The following GRK3 variants were observed in gnomAD, a reference collection of about 807,000 sequenced individuals.
GRK3 encodes the protein G protein-coupled receptor kinase 3.
A neutral mutation model predicts 95.7 loss-of-function variants in GRK3; 54 were observed. The observed-to-expected ratio is 0.56, with a 90% CI of 0.45 to 0.71. The LOEUF (loss-of-function observed/expected upper bound fraction) is 0.71, where lower values mean the gene tolerates loss of function less well. GRK3 is among the 30% of genes least tolerant of loss of function. The pLI, the probability that GRK3 is intolerant of heterozygous loss-of-function variation, is 0.00. For missense variants in GRK3, 649 were observed against 851.2 expected (o/e 0.76, Z 2.96); for synonymous variants, 281 against 290.8 (o/e 0.97, Z 0.34).
intron 9 of GRK3, among the ~76,000 whole-genome samples, chr22:25,679,597 G>A (rs1392138149): frequency 6.6e-6 from 1 of 152,078 alleles, no homozygotes; most frequent in Non-Finnish European, 1.5e-5. Flanking sequence ...CAAAACCTCA[G>A]CTTTTATGTG....
intron 2 of GRK3, among the ~76,000 whole-genome samples, chr22:25,616,991 A>G (rs1394382787): frequency 1.3e-5 from 2 of 152,192 alleles, no homozygotes; most frequent in African/African-American, 4.8e-5. Context: ...TTTTTGCTAG[A>G]TGAACAGAGA....
chr22:25,681,079 C>T (rs559246599), intron 9 of GRK3, among the ~76,000 whole-genome samples: 1 of 151,944 alleles, frequency 6.6e-6, no homozygotes, highest in African/African-American at 2.4e-5. Context: ...GTTGGAGAAC[C>T]AGCATAAGCG....
intron 18 of GRK3, among the ~76,000 whole-genome samples, chr22:25,717,475 A>G (rs775437943): frequency 2.6e-5 from 4 of 152,090 alleles, no homozygotes; most frequent in Non-Finnish European, 5.9e-5. Flanking sequence ...CTAGATTGTA[A>G]GCTCTCTGAA....
intron 2 of GRK3, among the ~76,000 whole-genome samples, chr22:25,641,324 C>T (rs1160977204): frequency 1.3e-5 from 2 of 152,144 alleles, no homozygotes; most frequent in African/African-American, 4.8e-5. Context: ...TGTCCTCTTC[C>T]TTCCTCCTTT....
At chr22:25,685,755 G>A (rs895958480) in intron 10 of GRK3, among the ~76,000 whole-genome samples, 1 of 152,088 alleles carries the variant, frequency 6.6e-6, no homozygotes. Context: ...GCTGGAAAAC[G>A]TTCAGCTAGA....
At chr22:25,595,261 A>G (rs751081650) in intron 1 of GRK3, among the ~76,000 whole-genome samples, 1 of 152,162 alleles carries the variant, frequency 6.6e-6, no homozygotes, top group African/African-American at 2.4e-5. Flanking sequence ...GAAAACCCTA[A>G]AGACTCTGCC....
At chr22:25,642,980 C>T (rs1462251804) in intron 2 of GRK3, among the ~76,000 whole-genome samples, 1 of 152,284 alleles carries the variant, frequency 6.6e-6, no homozygotes, top group African/African-American at 2.4e-5. Context: ...CTGACCACAA[C>T]AGAGCTAAAC....
Position 25,727,818 on chromosome 22 carries a change from G to A in GRK3, c.*5368G>A, listed in dbSNP as rs1252480249. ...TGTGTATTTGTATTACAAAGAACTT[G>A]AAATTTACTTTCTTAGTTGATTATA... On this transcript the variant is annotated 3_prime_UTR_variant, in exon 21 of 21. Transcript: ENST00000324198. The A allele has an allele frequency of 6.6e-6, 1 of 152,126 alleles. No homozygotes were observed. The highest frequency in any genetic ancestry group is 1.5e-5 in the Non-Finnish European group (1 of 68,010). 9.4% of individuals were successfully genotyped at this position (152,126 alleles called of 1,614,324 possible).
At chr22:25,716,848 C>T (rs918474886) in intron 18 of GRK3, among the ~76,000 whole-genome samples, 5 of 152,238 alleles carry the variant, frequency 3.3e-5, no homozygotes, top group African/African-American at 4.8e-5. Context: ...GTGAGCATCA[C>T]CACCTGAGCT....
intron 16 of GRK3, among the ~76,000 whole-genome samples, chr22:25,710,204 A>G (rs1263611224): frequency 6.6e-6 from 1 of 152,208 alleles, no homozygotes; most frequent in Non-Finnish European, 1.5e-5. Flanking sequence ...TCTAATAGAA[A>G]CATTTTGAAA....
chr22:25,595,222 C>T (rs527947387), intron 1 of GRK3, among the ~76,000 whole-genome samples: 1 of 152,162 alleles, frequency 6.6e-6, no homozygotes, highest in Non-Finnish European at 1.5e-5. Context: ...AACTGTCTTT[C>T]TTTGCCGATG....
chr22:25,633,578 C>T (rs1296372799), intron 2 of GRK3, among the ~76,000 whole-genome samples: 1 of 151,714 alleles, frequency 6.6e-6, no homozygotes, highest in African/African-American at 2.4e-5. Flanking sequence ...ATTAATTGTC[C>T]TGTTGCTTAA....
intron 1 of GRK3, among the ~76,000 whole-genome samples, chr22:25,604,061 T>A (rs1352669359): frequency 1.3e-5 from 2 of 152,166 alleles, no homozygotes; most frequent in Non-Finnish European, 2.9e-5. Flanking sequence ...GCTGTGTGCA[T>A]GTGTTTGTGC....
At position 25,564,781 on chromosome 22, in the gene GRK3, G is replaced by T. The variant is rs1479905557; in HGVS notation, c.-260G>T. On this transcript the variant is annotated 5_prime_UTR_variant, in exon 1 of 21. Transcript: ENST00000324198. ...CAGACCCTCGCTGAAGGAGCAGGGG[G>T]CGGCGCGCGTGCGCGGGGCGCCGGG... is the stretch of plus-strand genomic sequence containing the variant. 6.7e-6 allele frequency: 1 copy of T among 149,732 alleles called. No individual in the cohort carries two copies. Among genetic ancestry groups the T allele is most frequent in the African/African-American group, 2.4e-5 (1 of 40,968 alleles). 9.3% of individuals were successfully genotyped at this position (149,732 alleles called of 1,614,324 possible).
intron 2 of GRK3, among the ~76,000 whole-genome samples, chr22:25,610,008 TG>T (rs1468666024): frequency 2.6e-5 from 4 of 151,490 alleles, no homozygotes; most frequent in Non-Finnish European, 5.9e-5. Context: ...CCACCATGCC[TG>T]GCTAATTTTT....
At chr22:25,648,827 T>G (rs1308942368) in intron 3 of GRK3, 1 of 1,158,040 alleles carries the variant, frequency 8.6e-7, no homozygotes, top group Non-Finnish European at 1.3e-6. Context: ...GAGAAAATCT[T>G]CTGTGCAAAA....
At chr22:25,565,184 A>G in intron 1 of GRK3, 31 bp downstream of exon 1, 5 of 1,267,778 alleles carry the variant, frequency 3.9e-6, no homozygotes, top group Non-Finnish European at 4.3e-6. Flanking sequence ...CGCCGGCCCC[A>G]AGCCGCCGCC....
chr22:25,645,793 C>T (rs1601497511), intron 3 of GRK3, among the ~76,000 whole-genome samples: 2 of 151,942 alleles, frequency 1.3e-5, no homozygotes, highest in South Asian at 2.1e-4. Flanking sequence ...TAGTGGTGGG[C>T]GCCTGTAGTC....
chr22:25,689,974 C>T (rs1441396482), intron 11 of GRK3, among the ~76,000 whole-genome samples: 3 of 152,164 alleles, frequency 2.0e-5, no homozygotes, highest in Admixed American at 6.5e-5. Flanking sequence ...TAGAATCCTT[C>T]GCCTCTGTCA....
Sources: allele counts gnomAD v4.1 joint callset (sites outside exome capture counted in the v4.1 genomes callset), GRCh38; gene constraint gnomAD v4.1.1; transcripts MANE v1.5; gene names NCBI Gene and HGNC (gene_info 2026-07-23, HGNC 2026-07-21).